The following RANBP2 variants were observed in gnomAD, a reference collection of about 807,000 sequenced individuals.
RANBP2 encodes the protein E3 SUMO-protein ligase RanBP2.
In RANBP2, 57 loss-of-function variants were observed where a neutral mutation model predicts 303.6. That is an observed-to-expected ratio of 0.19 (90% CI 0.15 to 0.23). The LOEUF (loss-of-function observed/expected upper bound fraction) is 0.23. Ranked by LOEUF, RANBP2 falls within the 10% of genes least tolerant of loss-of-function variation. The probability of loss-of-function intolerance (pLI) is 1.00; values close to 1 mark genes in which losing one functional copy is unlikely to be tolerated. For missense variants in RANBP2, 3,138 were observed against 3,780.8 expected, an observed-to-expected ratio of 0.83 and a Z score of 4.46; for synonymous variants, 1,167 against 1,301.5, an observed-to-expected ratio of 0.90 and a Z score of 2.23.
chr2:108,930,086 A>G, the RANBP2 span: 30 of 1,600,994 alleles, frequency 1.9e-5, 1 homozygote, highest in African/African-American at 2.7e-4. Flanking sequence ...CTCCCCTGAG[A>G]GCGCACCAGG....
the RANBP2 span, among the ~76,000 whole-genome samples, chr2:109,629,329 ATATATATATATATATATATATATATATTT>A: frequency 0.014 from 627 of 44,866 alleles, 45 homozygotes; most frequent in African/African-American, 0.07. Flanking sequence ...ATATATATAT[ATATATATATATATATATATATATATATTT>A]TTTTTTTTTT....
chr2:109,713,810 G>C, the RANBP2 span, among the ~76,000 whole-genome samples: 2 of 152,150 alleles, frequency 1.3e-5, no homozygotes, highest in Non-Finnish European at 2.9e-5. Context: ...ATGATTGATC[G>C]AATGATCGAA....
At chr2:109,285,507 C>G in the RANBP2 span, among the ~76,000 whole-genome samples, 1 of 152,210 alleles carries the variant, frequency 6.6e-6, no homozygotes, top group Admixed American at 6.5e-5. Flanking sequence ...ACAGTGCATG[C>G]TGGGGCACTT....
At chr2:109,158,233 C>T in the RANBP2 span, among the ~76,000 whole-genome samples, 1 of 152,196 alleles carries the variant, frequency 6.6e-6, no homozygotes, top group African/African-American at 2.4e-5. Context: ...CCTCAGGCTC[C>T]TGTGGATGAC....
the RANBP2 span, among the ~76,000 whole-genome samples, chr2:109,332,922 A>T: frequency 6.6e-6 from 1 of 152,242 alleles, no homozygotes; most frequent in Non-Finnish European, 1.5e-5. Flanking sequence ...AGCTGTTTTG[A>T]TGGGAGGAAA....
At chr2:109,637,149 A>G in the RANBP2 span, among the ~76,000 whole-genome samples, 1 of 152,198 alleles carries the variant, frequency 6.6e-6, no homozygotes, top group African/African-American at 2.4e-5. Context: ...AGGTACTATG[A>G]CTGGACGTGC....
chr2:109,089,796 A>G, the RANBP2 span, among the ~76,000 whole-genome samples: 1 of 152,142 alleles, frequency 6.6e-6, no homozygotes, highest in Non-Finnish European at 1.5e-5. Context: ...CTCAGATAAA[A>G]CAAATGTAAG....
chr2:109,268,064 C>A, the RANBP2 span, among the ~76,000 whole-genome samples: 2 of 151,754 alleles, frequency 1.3e-5, no homozygotes, highest in Non-Finnish European at 1.5e-5. Flanking sequence ...CCAGACTGTC[C>A]CCTAATCCCA....
chr2:109,742,315 C>T, the RANBP2 span, among the ~76,000 whole-genome samples: 10 of 103,148 alleles, frequency 9.7e-5, no homozygotes, highest in African/African-American at 2.9e-4. Flanking sequence ...CAGCTATTTG[C>T]GAGGCTGAGG....
chr2:109,604,383 A>AAGGGGAGGGGCGGGGAGGGG, the RANBP2 span, among the ~76,000 whole-genome samples: 1 of 64,434 alleles, frequency 1.6e-5, no homozygotes, highest in East Asian at 5.8e-4. Context: ...AAGGGAAGGG[A>AAGGGGAGGGGCGGGGAGGGG]AGGGGAGGGG....
the RANBP2 span, among the ~76,000 whole-genome samples, chr2:108,888,360 T>G: frequency 6.6e-6 from 1 of 152,174 alleles, no homozygotes; most frequent in African/African-American, 2.4e-5. Flanking sequence ...CTGGTTTTGG[T>G]ATTAGGGTAA....
chr2:109,170,725 T>TGGGCATTGACCATGTGCC, the RANBP2 span, among the ~76,000 whole-genome samples: 1 of 152,178 alleles, frequency 6.6e-6, no homozygotes, highest in Non-Finnish European at 1.5e-5. Context: ...AAATATTTGT[T>TGGGCATTGACCATGTGCC]GGGCATTGAC....
chr2:108,889,650 G>A, the RANBP2 span, among the ~76,000 whole-genome samples: 1 of 151,168 alleles, frequency 6.6e-6, no homozygotes, highest in Admixed American at 6.6e-5. Context: ...TATGAAATAT[G>A]TACATCACTT....
chr2:109,033,646 T>C, the RANBP2 span, among the ~76,000 whole-genome samples: 18 of 151,794 alleles, frequency 1.2e-4, no homozygotes, highest in East Asian at 3.5e-3. Context: ...TCTGGTGAGT[T>C]TCCCTTCTTT....
the RANBP2 span, chr2:109,129,465 C>G: frequency 1.3e-6 from 2 of 1,495,232 alleles, no homozygotes; most frequent in Non-Finnish European, 1.8e-6. Context: ...AGTCCTGATG[C>G]TGGCTGCCGG....
At chr2:109,413,681 C>T in the RANBP2 span, among the ~76,000 whole-genome samples, 9 of 152,186 alleles carry the variant, frequency 5.9e-5, 1 homozygote, top group Admixed American at 2.0e-4. Flanking sequence ...TGGGGCAGCA[C>T]GCCTGCCCCC....
the RANBP2 span, among the ~76,000 whole-genome samples, chr2:108,965,672 G>C: frequency 6.6e-6 from 1 of 152,064 alleles, no homozygotes; most frequent in Non-Finnish European, 1.5e-5. Context: ...GACTGCTGCA[G>C]TGGGAGAGCT....
chr2:109,347,636 G>T, the RANBP2 span: 10 of 1,600,880 alleles, frequency 6.2e-6, no homozygotes, highest in Non-Finnish European at 8.5e-6. Context: ...ATTGGGAAGG[G>T]GCATGCCCGG....
chr2:108,794,468 A>G, the RANBP2 span: 2 of 1,356,798 alleles, frequency 1.5e-6, no homozygotes, highest in Non-Finnish European at 2.0e-6. Context: ...ATCTCTTCCT[A>G]AAGGTTACTC....
Sources: gnomAD v4.1 joint callset for allele counts (sites outside exome capture counted in the v4.1 genomes callset) on GRCh38, gnomAD v4.1.1 for gene constraint, MANE v1.5 for transcripts, NCBI Gene and HGNC (gene_info 2026-07-23, HGNC 2026-07-21) for gene names.